Variants in TLK2 observed in about 807,000 individuals in gnomAD.
TLK2 encodes the protein tousled like kinase 2.
Under a neutral mutation model 117.3 loss-of-function variants are expected in TLK2, and 6 were observed. The ratio of observed to expected loss-of-function variants is 0.05; its 90% CI spans 0.03 to 0.10. The LOEUF is 0.10. Ranked by LOEUF, TLK2 falls within the 10% of genes least tolerant of loss-of-function variation. TLK2 has a pLI of 1.00. For missense variants in TLK2, 299 were observed against 901.2 expected (o/e 0.33, Z 8.56); for synonymous variants, 257 against 316.7 (o/e 0.81, Z 2.00).
chr17:62,527,578 T>G (rs2076452159), intron 6 of TLK2, among the ~76,000 whole-genome samples: 1 of 152,184 alleles, frequency 6.6e-6, no homozygotes, highest in Non-Finnish European at 1.5e-5. Flanking sequence ...TATACTCTTG[T>G]GTCTAGCTCC....
At chr17:62,541,017 C>T (rs1049681608) in intron 7 of TLK2, among the ~76,000 whole-genome samples, 4 of 152,150 alleles carry the variant, frequency 2.6e-5, no homozygotes, top group African/African-American at 4.8e-5. Context: ...GCTCTCACCT[C>T]GGGGCCTTTG....
intron 7 of TLK2, among the ~76,000 whole-genome samples, chr17:62,545,486 G>A (rs1325350600): frequency 6.6e-6 from 1 of 152,032 alleles, no homozygotes; most frequent in African/African-American, 2.4e-5. Context: ...GCATGGTGGT[G>A]TGCACCTGTA....
At chr17:62,608,353 A>G (rs2083465589) in intron 21 of TLK2, among the ~76,000 whole-genome samples, 1 of 152,196 alleles carries the variant, frequency 6.6e-6, no homozygotes, top group South Asian at 2.1e-4. Context: ...TTCCAGTAGA[A>G]GGAATGTTGA....
intron 7 of TLK2, among the ~76,000 whole-genome samples, chr17:62,546,550 TTTTC>T (rs1359958260): frequency 2.0e-5 from 3 of 149,386 alleles, no homozygotes; most frequent in Non-Finnish European, 4.5e-5. Context: ...CTTATTTTCT[TTTTC>T]TTTCTTTTTT....
intron 10 of TLK2, among the ~76,000 whole-genome samples, chr17:62,564,210 G>A (rs929723271): frequency 5.3e-5 from 8 of 151,950 alleles, no homozygotes; most frequent in Non-Finnish European, 1.0e-4. Context: ...CAAGACCAGC[G>A]TGGCCAACAT....
intron 21 of TLK2, among the ~76,000 whole-genome samples, chr17:62,609,327 G>A (rs529392834): frequency 1.3e-5 from 2 of 152,172 alleles, no homozygotes; most frequent in South Asian, 2.1e-4. Flanking sequence ...CAAGCCATCC[G>A]CCTGCCTCAG....
At chr17:62,602,307 T>G in intron 19 of TLK2, 127 bp downstream of exon 19, 1 of 840,216 alleles carries the variant, frequency 1.2e-6, no homozygotes, top group Non-Finnish European at 1.7e-6. Context: ...AAGCAGACTT[T>G]CTCCCCAAAT....
intron 6 of TLK2, among the ~76,000 whole-genome samples, chr17:62,525,842 G>A (rs1407651722): frequency 6.6e-6 from 1 of 152,180 alleles, no homozygotes. Context: ...TGTTGAAGAG[G>A]CCTGTGTCTC....
intron 2 of TLK2, among the ~76,000 whole-genome samples, chr17:62,490,928 G>A (rs912697563): frequency 1.8e-4 from 28 of 151,968 alleles, no homozygotes; most frequent in Non-Finnish European, 3.4e-4. Flanking sequence ...AACTTTTAGC[G>A]ACAGGACTTC....
Position 62,572,039 on chromosome 17 carries a change from G to A in TLK2, c.969-1176G>A, listed in dbSNP as rs149936564. Among the ~76,000 whole-genome samples, 492 of 151,874 alleles carry A rather than the reference G, an allele frequency of 3.2e-3. 1 individual carries two copies. The highest frequency in any genetic ancestry group is 6.8e-3 in the Middle Eastern group (2 of 292). ...ACAAAAATTAACTGGGCATGGTGGC[G>A]CACACCTGTAATCCCAGCTATTAGG... On this transcript the variant is annotated intron_variant, in intron 11 of 21. Coordinates refer to ENST00000346027, the MANE Select transcript of TLK2 (RefSeq NM_006852.6).
chr17:62,578,718 A>C, intron 14 of TLK2, 144 bp downstream of exon 14: 2 of 597,504 alleles, frequency 3.3e-6, no homozygotes, highest in Non-Finnish European at 5.7e-6. Context: ...CATCTAATAC[A>C]ATTTTGTGAA....
At chr17:62,471,557 TCA>T (rs1198657551) in intron 1 of TLK2, among the ~76,000 whole-genome samples, 1 of 152,196 alleles carries the variant, frequency 6.6e-6, no homozygotes, top group Non-Finnish European at 1.5e-5. Context: ...TGCTCTCCTC[TCA>T]TTCATCTGGC....
chr17:62,588,651 TC>T (rs1292526258), intron 16 of TLK2, among the ~76,000 whole-genome samples: 3 of 151,802 alleles, frequency 2.0e-5, no homozygotes, highest in Non-Finnish European at 4.4e-5. Context: ...TGGGGGGAGT[TC>T]TTTTTTTTGT....
intron 15 of TLK2, among the ~76,000 whole-genome samples, chr17:62,585,373 A>G (rs1412293036): frequency 1.3e-5 from 2 of 152,208 alleles, no homozygotes; most frequent in African/African-American, 4.8e-5. Flanking sequence ...CCCCATCTCT[A>G]CTAAAAATAC....
At chr17:62,590,957 A>G (rs576521255) in intron 16 of TLK2, among the ~76,000 whole-genome samples, 35 of 152,362 alleles carry the variant, frequency 2.3e-4, no homozygotes, top group Admixed American at 7.2e-4. Flanking sequence ...TATGATTACT[A>G]ATAGAAAATC....
chr17:62,490,344 G>A (rs1487261195), intron 2 of TLK2, among the ~76,000 whole-genome samples: 2 of 151,904 alleles, frequency 1.3e-5, no homozygotes, highest in Admixed American at 6.6e-5. Flanking sequence ...CTTTAGATTT[G>A]CCTAATCTAC....
chr17:62,528,942 A>T (rs1014958876), intron 6 of TLK2, among the ~76,000 whole-genome samples: 3 of 152,162 alleles, frequency 2.0e-5, no homozygotes, highest in Admixed American at 6.5e-5. Context: ...CCACTACCCT[A>T]GAAGTGATCA....
intron 12 of TLK2, among the ~76,000 whole-genome samples, chr17:62,575,689 C>CTTTCTTTTCT (rs377195829): frequency 1.3e-5 from 2 of 151,762 alleles, no homozygotes; most frequent in East Asian, 3.9e-4. Flanking sequence ...CTCTCTCTCT[C>CTTTCTTTTCT]TTTCTTTTCT....
At chr17:62,570,481 G>A (rs1381105351) in intron 11 of TLK2, among the ~76,000 whole-genome samples, 1 of 152,138 alleles carries the variant, frequency 6.6e-6, no homozygotes, top group East Asian at 1.9e-4. Context: ...GCTAAGACAC[G>A]ATTCCTGTTC....
Sources: allele counts gnomAD v4.1 joint callset (sites outside exome capture counted in the v4.1 genomes callset), GRCh38; gene constraint gnomAD v4.1.1; transcripts MANE v1.5; gene names NCBI Gene and HGNC (gene_info 2026-07-23, HGNC 2026-07-21).